The following LONP1 variants were observed in gnomAD, a reference collection of about 807,000 sequenced individuals.
The protein encoded by LONP1 is lon peptidase 1, mitochondrial.
In LONP1, 31 loss-of-function variants were observed where a neutral mutation model predicts 98.5. The observed-to-expected ratio is 0.31, with a 90% CI of 0.24 to 0.42. The LOEUF (loss-of-function observed/expected upper bound fraction) is 0.42, where lower values mean the gene tolerates loss of function less well. Ranked by LOEUF, LONP1 falls within the 20% of genes least tolerant of loss-of-function variation. LONP1 has a pLI of 1.00. For synonymous variants in LONP1, 781 were observed against 594.7 expected (o/e 1.31, Z -4.56); for missense variants, 1,336 against 1,350.6 (o/e 0.99, Z 0.17).
intron 17 of LONP1, among the ~76,000 whole-genome samples, chr19:5,692,589 C>A (rs1241002962): frequency 6.6e-6 from 1 of 152,128 alleles, no homozygotes; most frequent in Non-Finnish European, 1.5e-5. Context: ...GCCCCCAGGC[C>A]CTGCGTCACC....
chr19:5,712,506 C>A, intron 3 of LONP1: 1 of 178,228 alleles, frequency 5.6e-6, no homozygotes, highest in Non-Finnish European at 1.2e-5. Flanking sequence ...GAGCACCTGG[C>A]ACCACCTGAA....
chr19:5,694,745 C>G lies in LONP1; in HGVS notation c.2154+16G>C. ...AGGTGGGCGGCAGGTGCCAGGAGGG[C>G]GGGCTGGCCGCTCACCTTCTCCACT... is the stretch of plus-strand genomic sequence containing the variant. On this transcript the variant is annotated intron_variant, in intron 14 of 17. Transcript: ENST00000360614. 6.3e-7 allele frequency: 1 copy of G among 1,581,834 alleles called. No homozygotes were observed. Among genetic ancestry groups the G allele is most frequent in the East Asian group, 2.3e-5 (1 of 44,018 alleles).
At chr19:5,698,883 A>G (rs1296451777) in intron 10 of LONP1, 144 bp downstream of exon 10, 2 of 863,660 alleles carry the variant, frequency 2.3e-6, no homozygotes, top group Non-Finnish European at 3.3e-6. Flanking sequence ...ACATGGCTGG[A>G]CTTTTCAGTT....
At chr19:5,712,026 T>G in intron 3 of LONP1, 24 bp from the exon 4 acceptor site, 1 of 1,590,826 alleles carries the variant, frequency 6.3e-7, no homozygotes, top group Non-Finnish European at 8.6e-7. Context: ...AAGGCAGGTG[T>G]GAATCAGCCG....
At chr19:5,707,615 G>T in intron 6 of LONP1, 82 bp downstream of exon 6, 2 of 1,501,904 alleles carry the variant, frequency 1.3e-6, no homozygotes, top group Non-Finnish European at 9.1e-7. Flanking sequence ...GAGGAGGAAC[G>T]GGGGCAGCCG....
intron 4 of LONP1, among the ~76,000 whole-genome samples, chr19:5,709,985 A>C (rs2055211664): frequency 6.6e-6 from 1 of 150,806 alleles, no homozygotes; most frequent in Non-Finnish European, 1.5e-5. Flanking sequence ...TCACATTTGT[A>C]AGTTTGGTCG....
At chr19:5,702,983 CCCTCTGCGAGA>C (rs2055082564) in intron 8 of LONP1, among the ~76,000 whole-genome samples, 2 of 150,372 alleles carry the variant, frequency 1.3e-5, no homozygotes, top group South Asian at 4.2e-4. Flanking sequence ...TGCCAAATCC[CCCTCTGCGAGA>C]AACACCCAAG....
intron 8 of LONP1, among the ~76,000 whole-genome samples, chr19:5,701,620 C>G (rs920716806): frequency 4.6e-5 from 7 of 152,134 alleles, no homozygotes; most frequent in African/African-American, 1.4e-4. Context: ...GACGGAGTCT[C>G]GTTCACTCAG....
At chr19:5,701,149 A>G (rs571995707) in intron 8 of LONP1, among the ~76,000 whole-genome samples, 1 of 152,078 alleles carries the variant, frequency 6.6e-6, no homozygotes, top group Non-Finnish European at 1.5e-5. Context: ...CCCCATCTCT[A>G]TAAAACAATT....
At chr19:5,720,276 AG>A, upstream of LONP1, 1 of 1,191,120 alleles carries the variant, frequency 8.4e-7, no homozygotes, top group Non-Finnish European at 1.1e-6. Context: ...CGCGGAGAAG[AG>A]GGGGCGGAGT....
At chr19:5,710,551 AT>A (rs35483857) in intron 4 of LONP1, among the ~76,000 whole-genome samples, 2 of 151,220 alleles carry the variant, frequency 1.3e-5, no homozygotes, top group East Asian at 3.9e-4. Flanking sequence ...CAGGGATTTT[AT>A]TTTTTTTGTG....
rs2054932852 is a variant in LONP1 at position 5,696,546 on chromosome 19, TCAGGGCCAG to T, written c.1773+115_1773+123del. On this transcript the variant is annotated intron_variant, in intron 11 of 17. Coordinates refer to ENST00000360614, the MANE Select transcript of LONP1 (RefSeq NM_004793.4). ...GGGTGGGAGGGACCCGTCCGTGCCA[TCAGGGCCAG>T]CATCACGGCGATGGCCCCTGAGTTG... The T allele has an allele frequency of 3.1e-6, 4 of 1,286,382 alleles. No homozygotes were observed. The South Asian group carries it at 5.5e-5, about 18-fold the overall frequency. 79.7% of individuals were successfully genotyped at this position (1,286,382 alleles called of 1,614,324 possible).
At chr19:5,712,912 G>A (rs1259991233) in intron 3 of LONP1, among the ~76,000 whole-genome samples, 3 of 152,156 alleles carry the variant, frequency 2.0e-5, no homozygotes, top group Non-Finnish European at 4.4e-5. Context: ...ATTCCAGGCA[G>A]GAGTCACCAT....
At chr19:5,697,077 G>T (rs1034042169) in intron 10 of LONP1, among the ~76,000 whole-genome samples, 1 of 152,160 alleles carries the variant, frequency 6.6e-6, no homozygotes, top group Non-Finnish European at 1.5e-5. Flanking sequence ...ACTGAGGGAC[G>T]CCAGGCACGC....
intron 17 of LONP1, 140 bp from the exon 18 acceptor site, chr19:5,692,348 CCAGGGTCCCCGTCTCCCACGGGGAAA>C (rs2054841701): frequency 1.4e-6 from 1 of 734,564 alleles, no homozygotes; most frequent in Admixed American, 3.2e-5. Context: ...CCAAAACCCA[CCAGGGTCCCCGTCTCCCACGGGGAAA>C]CAGGCTCAAG....
Position 5,719,733 on chromosome 19 carries a change from C to A in LONP1, c.400G>T (p.Val134Leu), listed in dbSNP as rs199752759. The change falls in exon 1 of 18, where the codon GTG becomes TTG. Residue 134 changes from valine (V) to leucine (L), a missense_variant. Val to Leu is a conservative substitution (Grantham distance 32). Transcript: ENST00000360614. The part of the protein sequence containing the change: ...LPLIAITRNP[V>L]FPRFIKIIEV... ...ATAATCTTGATAAAGCGCGGGAACACCGGGTTGCGGGTGATGGCGATGAGC... is the reference window on the plus strand; with the variant it reads ...ATAATCTTGATAAAGCGCGGGAACAACGGGTTGCGGGTGATGGCGATGAGC... 3.7e-6 allele frequency: 6 copies of A among 1,613,880 alleles called. No homozygotes were observed. The highest frequency in any genetic ancestry group is 4.2e-6 in the Non-Finnish European group (5 of 1,180,028).
chr19:5,692,059 C>T lies in LONP1; in HGVS notation c.2853G>A (p.Gln951=). The change falls in exon 18 of 18, where the codon CAG becomes CAA. Residue 951 remains glutamine (Q), a synonymous_variant. Coordinates refer to ENST00000360614, the MANE Select transcript of LONP1 (RefSeq NM_004793.4). ...ACCGTTCCACGGCCAGCGCCTCTGC[C>T]TGCTCGTCCGGGAAGGCGATGTCGA... is the stretch of plus-strand genomic sequence containing the variant. ...EIFDIAFPDE[Q]AEALAVER 1 of 1,613,840 alleles carries T rather than the reference C, an allele frequency of 6.2e-7. No individual in the cohort carries two copies. Among genetic ancestry groups the T allele is most frequent in the Non-Finnish European group, 8.5e-7 (1 of 1,179,850 alleles).
Position 5,693,576 on chromosome 19 carries a change from T to A in LONP1, c.2514A>T (p.Ser838=). 1 of 1,614,030 alleles carries A rather than the reference T, an allele frequency of 6.2e-7. No individual in the cohort carries two copies. Among genetic ancestry groups the A allele is most frequent in the African/African-American group, 1.3e-5 (1 of 75,022 alleles). Residue 838 remains serine (S), a synonymous_variant, in exon 16 of 18, where the codon TCA becomes TCT. Coordinates refer to ENST00000360614, the MANE Select transcript of LONP1 (RefSeq NM_004793.4). ...CCTCGGGCACATGCAGGTGGATGTG[T>A]GAGGTCACCAGGTAGTCATTGGCGG... ...HAPANDYLVT[S]HIHLHVPEGA... is the part of the protein sequence containing the mutation.
chr19:5,703,129 C>T (rs554833275), intron 8 of LONP1, among the ~76,000 whole-genome samples: 7 of 147,412 alleles, frequency 4.7e-5, no homozygotes, highest in South Asian at 2.1e-4. Context: ...TGCAGTGAGC[C>T]GAGATCGTGC....
Sources: gnomAD v4.1 joint callset for allele counts (sites outside exome capture counted in the v4.1 genomes callset) on GRCh38, gnomAD v4.1.1 for gene constraint, MANE v1.5 for transcripts, NCBI Gene and HGNC (gene_info 2026-07-23, HGNC 2026-07-21) for gene names.